SLC7A2: variants seen among roughly 807,000 people sequenced by gnomAD.
The protein encoded by SLC7A2 is solute carrier family 7 member 2.
In SLC7A2, 48 loss-of-function variants were observed where a neutral mutation model predicts 58.9. The observed-to-expected ratio is 0.82, with a 90% CI of 0.65 to 1.04. The LOEUF is 1.04. Ranked by LOEUF, SLC7A2 falls within the 50% of genes least tolerant of loss-of-function variation. SLC7A2 has a pLI of 0.00. For synonymous variants in SLC7A2, 363 were observed against 314.5 expected, an observed-to-expected ratio of 1.15 and a Z score of -1.63; for missense variants, 1,029 against 818.8, an observed-to-expected ratio of 1.26 and a Z score of -3.13.
intron 2 of SLC7A2, among the ~76,000 whole-genome samples, chr8:17,540,115 C>T (rs1007822405): frequency 2.0e-5 from 3 of 152,154 alleles, no homozygotes; most frequent in Non-Finnish European, 2.9e-5. Flanking sequence ...CTTTCTTCAT[C>T]TGCTAAGCAC....
intron 2 of SLC7A2, among the ~76,000 whole-genome samples, chr8:17,540,534 G>A (rs6982176): frequency 0.027 from 4,072 of 152,062 alleles, 188 homozygotes; most frequent in African/African-American, 0.094. Flanking sequence ...TAGGACAGAA[G>A]CAGTAGAAAT....
intron 4 of SLC7A2, among the ~76,000 whole-genome samples, chr8:17,547,896 A>G (rs905012490): frequency 6.6e-6 from 1 of 152,104 alleles, no homozygotes; most frequent in Non-Finnish European, 1.5e-5. Context: ...GTACTTGAAT[A>G]GAAATTGATC....
intron 2 of SLC7A2, among the ~76,000 whole-genome samples, chr8:17,504,482 G>A (rs779644169): frequency 3.3e-5 from 5 of 152,190 alleles, no homozygotes; most frequent in Non-Finnish European, 7.3e-5. Flanking sequence ...AGAATTGCCA[G>A]TGGTTCTTAT....
At chr8:17,539,210 G>A (rs1407692841) in intron 2 of SLC7A2, among the ~76,000 whole-genome samples, 4 of 152,202 alleles carry the variant, frequency 2.6e-5, no homozygotes, top group Non-Finnish European at 4.4e-5. Flanking sequence ...GGCTGAAGAA[G>A]TTTTAGAAGG....
chr8:17,506,480 C>T (rs1800367998), intron 2 of SLC7A2, among the ~76,000 whole-genome samples: 1 of 152,176 alleles, frequency 6.6e-6, no homozygotes. Flanking sequence ...ATTTCAGAGG[C>T]TTTGGACACG....
intron 2 of SLC7A2, among the ~76,000 whole-genome samples, chr8:17,541,392 T>G (rs1018846503): frequency 2.0e-5 from 3 of 152,216 alleles, no homozygotes; most frequent in African/African-American, 7.2e-5. Context: ...TGGGCAAAAC[T>G]GGAGATGTCA....
rs1159799315 is a variant in SLC7A2, at chr8:17,560,328, G to T, written c.1299G>T (p.Arg433Ser). ...GACATAGATGTTTGTTTGGAAATAG[G>T]TACCAGCCTGGCTTATCTTACGACC... ...SLVAACVLIL[R>S]YQPGLSYDQP... Residue 433 changes from arginine (R) to serine (S), a missense_variant and splice_region_variant, in exon 10 of 13, where the codon AGG becomes AGT. Arg to Ser is a moderately radical substitution (Grantham distance 110, BLOSUM62 -1). Transcript: ENST00000494857. 1.9e-6 allele frequency: 3 copies of T among 1,612,648 alleles called. No individual in the cohort carries two copies. The South Asian group carries it at 3.3e-5, about 18-fold the overall frequency.
rs1433978386 is a variant in SLC7A2 at position 17,565,113 on chromosome 8, T to C, written c.1944T>C (p.Pro648=). 32 of 1,613,096 alleles carry C rather than the reference T, an allele frequency of 2.0e-5. No homozygotes were observed. Among genetic ancestry groups the C allele is most frequent in the Admixed American group, 3.3e-5 (2 of 59,774 alleles). ...NDHHPRNLSS[P]FIFHEKTSEF is the part of the protein sequence containing the mutation. ...ATCACCCAAGAAATCTCAGTTCACC[T>C]TTCATATTCCATGAAAAGACAAGTG... The change falls in exon 13 of 13, where the codon CCT becomes CCC. Residue 648 remains proline, a synonymous_variant. Transcript: ENST00000494857.
At chr8:17,533,936 C>G (rs866617055) in intron 2 of SLC7A2, among the ~76,000 whole-genome samples, 1 of 152,096 alleles carries the variant, frequency 6.6e-6, no homozygotes, top group Non-Finnish European at 1.5e-5. Context: ...CCTGACAGGC[C>G]CCAGTGTGTG....
In SLC7A2 at chr8:17,554,861, G is replaced by A. The variant is rs557579926; in HGVS notation, c.1195+162G>A. The A allele has an allele frequency of 7.8e-5, 116 of 1,491,126 alleles. 1 individual carries two copies. The South Asian group carries it at 1.1e-3, about 14-fold the overall frequency. The allele number at this position is 1,491,126 out of a possible 1,614,324, so 92.4% of individuals were successfully genotyped here. ...TTGAATTTTTTGGTTCTGCATTTTC[G>A]TGTGTCCAGTCTTTACCTGTCTATA... On this transcript the variant is annotated intron_variant, in intron 8 of 12. Coordinates refer to ENST00000494857, the MANE Select transcript of SLC7A2 (RefSeq NM_001370338.1).
chr8:17,554,917 T>G, intron 8 of SLC7A2: 1 of 1,611,104 alleles, frequency 6.2e-7, no homozygotes, highest in Non-Finnish European at 8.5e-7. Context: ...AAATAACTCA[T>G]GTGTGGATTT....
In SLC7A2 at chr8:17,563,979, C is replaced by G. The variant is rs139773309; in HGVS notation, c.1780+268C>G. ...CCAGAAAAAGTCATTTTATATCAAC[C>G]CAAAACTCACAACCAATTTTCTAAA... is the stretch of plus-strand genomic sequence containing the variant. On this transcript the variant is annotated intron_variant, in intron 12 of 12. Transcript: ENST00000494857. Among the ~76,000 whole-genome samples the G allele has an allele frequency of 4.5e-4, 69 of 152,220 alleles. No homozygotes were observed. In the East Asian group the frequency reaches 7.3e-3, roughly 16 times the overall value.
chr8:17,544,095 C>A (rs1388025556), intron 3 of SLC7A2, among the ~76,000 whole-genome samples: 1 of 152,184 alleles, frequency 6.6e-6, no homozygotes, highest in Admixed American at 6.5e-5. Context: ...GTCTCGAACT[C>A]CTGACCTCAG....
chr8:17,517,593 T>TTATGCTGTA (rs1327842864), intron 2 of SLC7A2, among the ~76,000 whole-genome samples: 1 of 152,054 alleles, frequency 6.6e-6, no homozygotes, highest in Non-Finnish European at 1.5e-5. Flanking sequence ...TAATACAGAC[T>TTATGCTGTA]TAAGTCCTGA....
intron 11 of SLC7A2, 94 bp from the exon 12 acceptor site, chr8:17,563,509 T>C (rs1477866799): frequency 1.1e-5 from 8 of 743,536 alleles, no homozygotes; most frequent in Non-Finnish European, 1.9e-5. Flanking sequence ...GGTGTGAAAG[T>C]ATATATGCCA....
intron 2 of SLC7A2, among the ~76,000 whole-genome samples, chr8:17,524,401 C>CAT (rs200734596): frequency 5.2e-5 from 7 of 133,772 alleles, no homozygotes. Flanking sequence ...GTGAGATATA[C>CAT]ATATATGTGT....
intron 2 of SLC7A2, among the ~76,000 whole-genome samples, chr8:17,525,152 T>C (rs1801173857): frequency 6.6e-6 from 1 of 152,188 alleles, no homozygotes. Context: ...ATGGGTTTCT[T>C]TCTGGGTGTC....
intron 2 of SLC7A2, among the ~76,000 whole-genome samples, chr8:17,515,905 G>A (rs1800785365): frequency 6.6e-6 from 1 of 152,118 alleles, no homozygotes. Context: ...CTTATGGGTA[G>A]GAACACTTTT....
chr8:17,551,449 T>G (rs2150755686), intron 6 of SLC7A2, among the ~76,000 whole-genome samples: 1 of 152,070 alleles, frequency 6.6e-6, no homozygotes, highest in South Asian at 2.1e-4. Context: ...ATACAAAAAT[T>G]AGCCAGGTGT....
Sources: gnomAD v4.1 joint callset for allele counts (sites outside exome capture counted in the v4.1 genomes callset) on GRCh38, gnomAD v4.1.1 for gene constraint, MANE v1.5 for transcripts, NCBI Gene and HGNC (gene_info 2026-07-23, HGNC 2026-07-21) for gene names.